GAP43: variants seen among roughly 807,000 people sequenced by gnomAD.
GAP43 encodes the protein neuromodulin.
A neutral mutation model predicts 18.6 loss-of-function variants in GAP43; 6 were observed. That is an observed-to-expected ratio of 0.32 (90% CI 0.18 to 0.64). GAP43 has a LOEUF of 0.64. Ranked by LOEUF, GAP43 falls within the 30% of genes least tolerant of loss-of-function variation. The probability of loss-of-function intolerance (pLI) is 0.78; values close to 1 mark genes in which losing one functional copy is unlikely to be tolerated. For synonymous variants in GAP43, 115 were observed against 111.4 expected, an observed-to-expected ratio of 1.03 and a Z score of -0.20; for missense variants, 292 against 295.5, an observed-to-expected ratio of 0.99 and a Z score of 0.09.
chr3:115,679,116 G>A (rs1185932577), intron 2 of GAP43, among the ~76,000 whole-genome samples: 2 of 152,110 alleles, frequency 1.3e-5, no homozygotes, highest in Non-Finnish European at 1.5e-5. Context: ...TCGGAAATGG[G>A]TGGCTACCAT....
chr3:115,691,851 A>G (rs1709119311), intron 2 of GAP43, among the ~76,000 whole-genome samples: 1 of 152,200 alleles, frequency 6.6e-6, no homozygotes, highest in Non-Finnish European at 1.5e-5. Context: ...GTCCCTCAGA[A>G]ACTGCAATCT....
intron 1 of GAP43, among the ~76,000 whole-genome samples, chr3:115,661,733 C>T (rs2107481104): frequency 1.3e-5 from 2 of 152,010 alleles, no homozygotes. Context: ...CGTGATCCAC[C>T]CGCCTCGGCC....
chr3:115,645,370 G>A (rs1161229792), intron 1 of GAP43, among the ~76,000 whole-genome samples: 2 of 151,964 alleles, frequency 1.3e-5, no homozygotes, highest in East Asian at 3.9e-4. Flanking sequence ...TTCACTTGAA[G>A]TAGTGAGGCC....
chr3:115,644,950 C>G lies in GAP43; in HGVS notation c.30+21231C>G, dbSNP rs80274587. On this transcript the variant is annotated intron_variant, in intron 1 of 2. Coordinates refer to ENST00000305124, the MANE Select transcript of GAP43 (RefSeq NM_002045.4). The surrounding 1 kb of genome is among the most constrained non-coding windows in gnomAD (Gnocchi z 4.2). ...AGCATGTCTGAATCCATCTAACAGT[C>G]TTGTTGAGGCAGGGAGCCTAAAGAA... Among the ~76,000 whole-genome samples, 1,269 of 152,106 alleles carry G rather than the reference C, an allele frequency of 8.3e-3. 10 individuals are homozygous for G. The highest frequency in any genetic ancestry group is 9.0e-3 in the Non-Finnish European group (612 of 67,946).
At chr3:115,624,806 T>C (rs1176258721) in intron 1 of GAP43, among the ~76,000 whole-genome samples, 1 of 151,574 alleles carries the variant, frequency 6.6e-6, no homozygotes, top group Non-Finnish European at 1.5e-5. Flanking sequence ...TTCAAACATT[T>C]GTTGGAATGC....
chr3:115,696,590 C>CCCCCCCCCCCA (rs1228543478), intron 2 of GAP43, among the ~76,000 whole-genome samples: 1 of 129,050 alleles, frequency 7.7e-6, no homozygotes, highest in African/African-American at 3.0e-5. Context: ...CCCCCCCCCC[C>CCCCCCCCCCCA]ACAAACAGGT....
At chr3:115,665,727 C>T (rs1239455939) in intron 1 of GAP43, among the ~76,000 whole-genome samples, 2 of 152,058 alleles carry the variant, frequency 1.3e-5, no homozygotes, top group Admixed American at 6.6e-5. Context: ...TTGGGCTTTA[C>T]TAACTATCCA....
At chr3:115,629,048 C>A (rs924703468) in intron 1 of GAP43, among the ~76,000 whole-genome samples, 2 of 152,176 alleles carry the variant, frequency 1.3e-5, no homozygotes, top group African/African-American at 4.8e-5. Flanking sequence ...GCTCTAGGAA[C>A]CTGAGAGTAA....
intron 2 of GAP43, among the ~76,000 whole-genome samples, chr3:115,683,124 T>TGCGCGCGTGC (rs1553723452): frequency 7.2e-4 from 82 of 113,758 alleles, no homozygotes; most frequent in African/African-American, 1.3e-3. Flanking sequence ...TACATACATG[T>TGCGCGCGTGC]GCGCGCGCGT....
At chr3:115,650,812 G>A (rs1031817002) in intron 1 of GAP43, among the ~76,000 whole-genome samples, 1 of 152,052 alleles carries the variant, frequency 6.6e-6, no homozygotes, top group Admixed American at 6.6e-5. Context: ...AAAATTAAAG[G>A]GGAAGGAAAA....
At chr3:115,690,946 G>A (rs1214104481) in intron 2 of GAP43, among the ~76,000 whole-genome samples, 2 of 151,666 alleles carry the variant, frequency 1.3e-5, no homozygotes, top group Non-Finnish European at 2.9e-5. Context: ...TAGTAGAGAT[G>A]GGGTTTCACC....
chr3:115,647,510 G>A (rs1042405698), intron 1 of GAP43, among the ~76,000 whole-genome samples: 18 of 151,932 alleles, frequency 1.2e-4, no homozygotes, highest in African/African-American at 4.4e-4. Context: ...GGACTCACAG[G>A]AGGAGGCAAG....
At chr3:115,636,796 C>A (rs1708335688) in intron 1 of GAP43, among the ~76,000 whole-genome samples, 1 of 152,026 alleles carries the variant, frequency 6.6e-6, no homozygotes, top group Non-Finnish European at 1.5e-5. Context: ...GTGGCTCTGG[C>A]ATTGACTAGG....
At chr3:115,657,673 T>C (rs1374138450) in intron 1 of GAP43, among the ~76,000 whole-genome samples, 1 of 152,122 alleles carries the variant, frequency 6.6e-6, no homozygotes, top group Non-Finnish European at 1.5e-5. Flanking sequence ...CTTTGGTGAC[T>C]TGCCTCAAGG....
At chr3:115,670,552 G>A (rs1357797831) in intron 1 of GAP43, among the ~76,000 whole-genome samples, 2 of 152,070 alleles carry the variant, frequency 1.3e-5, no homozygotes, top group African/African-American at 2.4e-5. Flanking sequence ...CTTTGTCTAG[G>A]TTTAAAGAAA....
chr3:115,629,497 T>A (rs1031799123), intron 1 of GAP43, among the ~76,000 whole-genome samples: 2 of 151,856 alleles, frequency 1.3e-5, no homozygotes, highest in Non-Finnish European at 2.9e-5. Flanking sequence ...ATGTTACCCT[T>A]CCCTCTCAGC....
At chr3:115,661,220 C>T (rs1265526276) in intron 1 of GAP43, 5 of 152,230 alleles carry the variant, frequency 3.3e-5, no homozygotes, top group Admixed American at 3.3e-4. Flanking sequence ...GCTGCTAGCT[C>T]ACTGGTCTGG....
intron 1 of GAP43, among the ~76,000 whole-genome samples, chr3:115,672,038 G>A (rs953981654): frequency 6.6e-6 from 1 of 152,212 alleles, no homozygotes; most frequent in Admixed American, 6.5e-5. Context: ...GTATTTTTAA[G>A]TGAATAAATC....
intron 1 of GAP43, among the ~76,000 whole-genome samples, chr3:115,651,173 A>G (rs1708515146): frequency 6.6e-6 from 1 of 152,162 alleles, no homozygotes; most frequent in African/African-American, 2.4e-5. Context: ...CAATTCTGTC[A>G]CACTGAGAAA....
Sources: allele counts gnomAD v4.1 joint callset (sites outside exome capture counted in the v4.1 genomes callset), GRCh38; gene constraint gnomAD v4.1.1; non-coding constraint Gnocchi (gnomAD v3.1); transcripts MANE v1.5; gene names NCBI Gene and HGNC (gene_info 2026-07-23, HGNC 2026-07-21).